The following DSCAML1 variants were observed in gnomAD, a reference collection of about 807,000 sequenced individuals.
DSCAML1 encodes DS cell adhesion molecule like 1, also known as cell adhesion molecule DSCAML1.
Under a neutral mutation model 200.5 loss-of-function variants are expected in DSCAML1, and 38 were observed. The ratio of observed to expected loss-of-function variants is 0.19; its 90% CI spans 0.15 to 0.25. DSCAML1 has a LOEUF of 0.25. Among genes scored for constraint, DSCAML1 ranks in the 10% least tolerant of loss-of-function variants. The pLI, the probability that DSCAML1 is intolerant of heterozygous loss-of-function variation, is 1.00. For synonymous variants in DSCAML1, 1,215 were observed against 1,165.0 expected (o/e 1.04, Z -0.87); for missense variants, 2,223 against 2,858.8 (o/e 0.78, Z 5.07).
intron 3 of DSCAML1, among the ~76,000 whole-genome samples, chr11:117,687,958 C>T (rs2053433572): frequency 1.3e-5 from 2 of 152,136 alleles, no homozygotes; most frequent in South Asian, 4.1e-4. Flanking sequence ...ATGGGGAGTC[C>T]TGCGAGGAAC....
At chr11:117,542,740 C>T (rs1038917758) in intron 3 of DSCAML1, among the ~76,000 whole-genome samples, 1 of 152,258 alleles carries the variant, frequency 6.6e-6, no homozygotes, top group African/African-American at 2.4e-5. Flanking sequence ...CTCTCTTGAC[C>T]ATTGGTACAC....
chr11:117,783,884 C>T (rs1565283517), intron 1 of DSCAML1, among the ~76,000 whole-genome samples: 1 of 152,168 alleles, frequency 6.6e-6, no homozygotes. Context: ...GATGGAAATC[C>T]ATTCCACTCT....
intron 3 of DSCAML1, among the ~76,000 whole-genome samples, chr11:117,711,617 G>A (rs1321108029): frequency 2.0e-5 from 3 of 152,148 alleles, no homozygotes; most frequent in Admixed American, 2.0e-4. Flanking sequence ...CAACACTCAT[G>A]GTGTGCTGAA....
chr11:117,579,460 G>A (rs1436796792), intron 3 of DSCAML1, among the ~76,000 whole-genome samples: 2 of 152,126 alleles, frequency 1.3e-5, no homozygotes, highest in Non-Finnish European at 2.9e-5. Flanking sequence ...TGCTCCTTCT[G>A]CTTAGAAGCT....
intron 1 of DSCAML1, among the ~76,000 whole-genome samples, chr11:117,796,704 A>T (rs549848533): frequency 6.6e-6 from 1 of 152,186 alleles, no homozygotes; most frequent in African/African-American, 2.4e-5. Context: ...AGTGCCACCA[A>T]GCCGCAGGAA....
chr11:117,591,484 T>C (rs1007545102), intron 3 of DSCAML1, among the ~76,000 whole-genome samples: 2 of 152,218 alleles, frequency 1.3e-5, no homozygotes, highest in Non-Finnish European at 2.9e-5. Flanking sequence ...ATGCATTTAC[T>C]GTATTGTATC....
chr11:117,517,230 A>G (rs2049788779), intron 7 of DSCAML1, among the ~76,000 whole-genome samples: 1 of 152,250 alleles, frequency 6.6e-6, no homozygotes. Flanking sequence ...GGTCTTCGCC[A>G]GGTGAGCTGA....
chr11:117,559,436 C>T (rs908606441), intron 3 of DSCAML1, among the ~76,000 whole-genome samples: 21 of 152,216 alleles, frequency 1.4e-4, no homozygotes, highest in African/African-American at 5.1e-4. Context: ...CTAAGCCCTG[C>T]ACTTCAATAT....
At chr11:117,558,325 A>G (rs2050597290) in intron 3 of DSCAML1, among the ~76,000 whole-genome samples, 1 of 152,180 alleles carries the variant, frequency 6.6e-6, no homozygotes, top group Admixed American at 6.5e-5. Flanking sequence ...ACATGGAAAT[A>G]AAGGAAAATC....
At chr11:117,665,202 A>G (rs1002014677) in intron 3 of DSCAML1, among the ~76,000 whole-genome samples, 21 of 152,118 alleles carry the variant, frequency 1.4e-4, no homozygotes, top group Admixed American at 9.8e-4. Flanking sequence ...AGTCTCCCTG[A>G]CCACACAATC....
intron 3 of DSCAML1, among the ~76,000 whole-genome samples, chr11:117,585,726 G>T (rs1383783202): frequency 3.3e-5 from 5 of 152,210 alleles, no homozygotes; most frequent in Admixed American, 1.3e-4. Context: ...GCTGGCTGAG[G>T]AGGGTGGGAG....
chr11:117,483,912 C>A (rs1051018877), intron 11 of DSCAML1, among the ~76,000 whole-genome samples: 2 of 151,622 alleles, frequency 1.3e-5, no homozygotes, highest in African/African-American at 4.9e-5. Flanking sequence ...CAGGGGAATA[C>A]CTCTTGTCAC....
At chr11:117,749,841 G>A (rs948214268) in intron 3 of DSCAML1, among the ~76,000 whole-genome samples, 2 of 152,256 alleles carry the variant, frequency 1.3e-5, no homozygotes, top group Non-Finnish European at 2.9e-5. Flanking sequence ...CTGGGAGCGG[G>A]ACCTGTGTTA....
intron 3 of DSCAML1, among the ~76,000 whole-genome samples, chr11:117,704,225 A>T (rs1252996602): frequency 1.3e-5 from 2 of 152,110 alleles, no homozygotes; most frequent in East Asian, 3.9e-4. Context: ...AATAATAATA[A>T]AAATCCCCCT....
intron 3 of DSCAML1, among the ~76,000 whole-genome samples, chr11:117,592,324 C>T (rs1393510170): frequency 2.6e-5 from 4 of 152,138 alleles, no homozygotes; most frequent in African/African-American, 7.2e-5. Flanking sequence ...ATTGCAGTGT[C>T]GCCAGTCTGC....
intron 3 of DSCAML1, among the ~76,000 whole-genome samples, chr11:117,755,925 C>T (rs2054682244): frequency 6.6e-6 from 1 of 152,154 alleles, no homozygotes. Flanking sequence ...CCATCAGCAG[C>T]AGAGGTCCTT....
rs1008197696 is a variant in DSCAML1, at chr11:117,670,140, G to A, written c.511+106651C>T. ...CTGTGTATACCTCACAGTATACTGT[G>A]GGGGCACCTAGGCCTTTGGAAATCA... On this transcript the variant is annotated intron_variant, in intron 3 of 32. Coordinates refer to ENST00000651296, the MANE Select transcript of DSCAML1 (RefSeq NM_020693.4). 4.6e-5 allele frequency among the ~76,000 whole-genome samples: 7 copies of A among 152,190 alleles called. No homozygotes were observed. The South Asian group carries it at 8.3e-4, about 18-fold the overall frequency.
At chr11:117,647,171 G>A (rs1035672780) in intron 3 of DSCAML1, among the ~76,000 whole-genome samples, 4 of 152,236 alleles carry the variant, frequency 2.6e-5, no homozygotes, top group Non-Finnish European at 4.4e-5. Context: ...GCTCACATGA[G>A]GCAAGAGTCC....
intron 20 of DSCAML1, among the ~76,000 whole-genome samples, chr11:117,449,425 C>T (rs186220144): frequency 1.3e-5 from 2 of 152,162 alleles, no homozygotes; most frequent in East Asian, 1.9e-4. Context: ...GTCTCACTGG[C>T]GGGGAGCTGG....
Sources: allele counts gnomAD v4.1 joint callset (sites outside exome capture counted in the v4.1 genomes callset), GRCh38; gene constraint gnomAD v4.1.1; transcripts MANE v1.5; gene names NCBI Gene and HGNC (gene_info 2026-07-23, HGNC 2026-07-21).